The following CALN1 variants were observed in gnomAD, a reference collection of about 807,000 sequenced individuals.
The protein encoded by CALN1 is calneuron 1.
Under a neutral mutation model 30.6 loss-of-function variants are expected in CALN1, and 17 were observed. That is an observed-to-expected ratio of 0.56 (90% CI 0.38 to 0.83). CALN1 has a LOEUF of 0.83. CALN1 is among the 40% of genes least tolerant of loss of function. The probability of loss-of-function intolerance (pLI) is 0.00; values close to 1 mark genes in which losing one functional copy is unlikely to be tolerated. For synonymous variants in CALN1, 156 were observed against 131.4 expected, an observed-to-expected ratio of 1.19 and a Z score of -1.28; for missense variants, 291 against 354.9, an observed-to-expected ratio of 0.82 and a Z score of 1.45.
the CALN1 span, among the ~76,000 whole-genome samples, chr7:72,464,664 A>G: frequency 6.6e-6 from 1 of 152,234 alleles, no homozygotes; most frequent in African/African-American, 2.4e-5. Context: ...TAAAATTAAC[A>G]GTTGCCCCAA....
chr7:71,974,185 A>G (rs1324209370), intron 5 of CALN1, among the ~76,000 whole-genome samples: 1 of 152,134 alleles, frequency 6.6e-6, no homozygotes, highest in Non-Finnish European at 1.5e-5. Context: ...TGGGAGGCCG[A>G]GGCAGGTGGA....
chr7:72,456,871 T>C, the CALN1 span, among the ~76,000 whole-genome samples: 1 of 151,898 alleles, frequency 6.6e-6, no homozygotes, highest in Non-Finnish European at 1.5e-5. Context: ...AATAAAAATA[T>C]AAAAGATCCC....
intron 3 of CALN1, among the ~76,000 whole-genome samples, chr7:72,116,017 G>C (rs970343416): frequency 6.6e-6 from 1 of 152,040 alleles, no homozygotes; most frequent in Non-Finnish European, 1.5e-5. Context: ...TTTTATGGCT[G>C]AATAACAGTC....
At chr7:71,945,390 C>T (rs1390977100) in intron 5 of CALN1, among the ~76,000 whole-genome samples, 1 of 152,196 alleles carries the variant, frequency 6.6e-6, no homozygotes, top group Non-Finnish European at 1.5e-5. Context: ...AGTACCAACA[C>T]AAGGCACAAC....
the CALN1 span, among the ~76,000 whole-genome samples, chr7:72,478,616 G>C: frequency 1.3e-5 from 2 of 151,620 alleles, no homozygotes; most frequent in East Asian, 3.9e-4. Flanking sequence ...CCCAGAGAAG[G>C]CCCCTGAGAT....
rs1391674965 is a variant in CALN1, at chr7:71,972,014, AG to A, written c.501+51642del. On this transcript the variant is annotated intron_variant, in intron 5 of 6. Transcript: ENST00000395275. ...GAAAGAGAAAGAAAGAAAAAAAGAA[AG>A]AAAAGAAAGAAAGAAAGAAAGACAC... Among the ~76,000 whole-genome samples, 256 of 146,406 alleles carry A rather than the reference AG, an allele frequency of 1.7e-3. 4 individuals are homozygous for A. The highest frequency in any genetic ancestry group is 0.014 in the Admixed American group (197 of 13,996).
intron 2 of CALN1, among the ~76,000 whole-genome samples, chr7:72,383,579 C>T (rs1275264848): frequency 2.0e-5 from 3 of 152,118 alleles, no homozygotes; most frequent in Non-Finnish European, 1.5e-5. Flanking sequence ...TATGGGATGC[C>T]GTCTTCACTT....
At chr7:72,406,042 C>G (rs1459128327) in intron 1 of CALN1, among the ~76,000 whole-genome samples, 1 of 152,230 alleles carries the variant, frequency 6.6e-6, no homozygotes, top group African/African-American at 2.4e-5. Flanking sequence ...CCGTAAGGAA[C>G]AATCGCTCCT....
At chr7:72,487,917 A>AAG in the CALN1 span, among the ~76,000 whole-genome samples, 3 of 62,284 alleles carry the variant, frequency 4.8e-5, no homozygotes, top group Admixed American at 1.6e-4. Flanking sequence ...AAAGAAAGAA[A>AAG]GAAGGAAGGA....
At chr7:71,875,031 G>T (rs1175051177) in intron 5 of CALN1, among the ~76,000 whole-genome samples, 2 of 151,984 alleles carry the variant, frequency 1.3e-5, no homozygotes, top group South Asian at 2.1e-4. Context: ...TGAGTGTGGG[G>T]GTGCATGCTT....
At chr7:72,152,434 C>A (rs563264064) in intron 3 of CALN1, among the ~76,000 whole-genome samples, 1 of 152,286 alleles carries the variant, frequency 6.6e-6, no homozygotes, top group South Asian at 2.1e-4. Flanking sequence ...CTGGAGTTTG[C>A]ATGGTGCGAG....
chr7:72,349,282 TTGTGTG>T (rs3032183), intron 2 of CALN1, among the ~76,000 whole-genome samples: 7,709 of 147,796 alleles, frequency 0.052, 258 homozygotes, highest in Non-Finnish European at 0.077. Flanking sequence ...ACACGCGTGC[TTGTGTG>T]TGTGTGTGTG....
intron 5 of CALN1, among the ~76,000 whole-genome samples, chr7:71,951,105 G>A (rs1366648853): frequency 1.3e-5 from 2 of 152,140 alleles, no homozygotes; most frequent in South Asian, 4.1e-4. Context: ...CCTGAAACCT[G>A]CTGGACACAT....
chr7:72,450,129 C>T (rs1012725882), upstream of CALN1, among the ~76,000 whole-genome samples: 1 of 151,906 alleles, frequency 6.6e-6, no homozygotes, highest in Non-Finnish European at 1.5e-5. Flanking sequence ...TCACTTGATC[C>T]CAGGAGTTCA....
At chr7:72,501,948 T>TATATATATATATATAC in the CALN1 span, among the ~76,000 whole-genome samples, 31 of 72,348 alleles carry the variant, frequency 4.3e-4, 1 homozygote, top group African/African-American at 2.2e-3. Context: ...TATATATATA[T>TATATATATATATATAC]ACACACATAT....
At chr7:72,242,716 C>T (rs1794919660) in intron 3 of CALN1, among the ~76,000 whole-genome samples, 1 of 152,000 alleles carries the variant, frequency 6.6e-6, no homozygotes, top group African/African-American at 2.4e-5. Flanking sequence ...GGTGAAACCC[C>T]ATTTCTGCTA....
intron 5 of CALN1, among the ~76,000 whole-genome samples, chr7:71,865,512 T>C (rs751420359): frequency 6.6e-6 from 1 of 152,264 alleles, no homozygotes; most frequent in South Asian, 2.1e-4. Context: ...TATTTCCTTA[T>C]AGCAATGTGA....
At chr7:71,804,939 G>C (rs1361930087) in intron 6 of CALN1, among the ~76,000 whole-genome samples, 1 of 152,132 alleles carries the variant, frequency 6.6e-6, no homozygotes, top group Non-Finnish European at 1.5e-5. Context: ...TGGGCAACAA[G>C]AGCAAAACTC....
intron 5 of CALN1, among the ~76,000 whole-genome samples, chr7:71,884,125 G>C (rs1317977539): frequency 6.6e-6 from 1 of 152,124 alleles, no homozygotes; most frequent in East Asian, 1.9e-4. Context: ...ATGTTGGCCA[G>C]GATGGTCTTG....
Sources: gnomAD v4.1 joint callset for allele counts (sites outside exome capture counted in the v4.1 genomes callset) on GRCh38, gnomAD v4.1.1 for gene constraint, MANE v1.5 for transcripts, NCBI Gene and HGNC (gene_info 2026-07-23, HGNC 2026-07-21) for gene names.